The following POU6F2 variants were observed in gnomAD, a reference collection of about 807,000 sequenced individuals.
POU6F2 encodes POU domain, class 6, transcription factor 2.
A neutral mutation model predicts 71.3 loss-of-function variants in POU6F2; 31 were observed. That is an observed-to-expected ratio of 0.43 (90% confidence interval 0.33 to 0.59). The LOEUF (loss-of-function observed/expected upper bound fraction) is 0.59. Ranked by LOEUF, POU6F2 falls within the 20% of genes least tolerant of loss-of-function variation. The pLI is 0.04. For missense variants in POU6F2, 783 were observed against 856.8 expected (o/e 0.91, Z 1.07); for synonymous variants, 347 against 355.7 (o/e 0.98, Z 0.27).
chr7:39,374,801 G>A (rs1786679332), intron 5 of POU6F2, among the ~76,000 whole-genome samples: 2 of 152,286 alleles, frequency 1.3e-5, no homozygotes, highest in South Asian at 4.1e-4. Flanking sequence ...CCAAACAGCG[G>A]AATATTGAGG....
At chr7:39,445,934 C>T (rs1788512922) in intron 7 of POU6F2, among the ~76,000 whole-genome samples, 1 of 152,214 alleles carries the variant, frequency 6.6e-6, no homozygotes, top group Admixed American at 6.5e-5. Flanking sequence ...ACAGTAGCAG[C>T]ATCACCTGAA....
intron 4 of POU6F2, among the ~76,000 whole-genome samples, chr7:39,296,659 T>C (rs1429456715): frequency 1.3e-5 from 2 of 152,140 alleles, no homozygotes; most frequent in African/African-American, 4.8e-5. Context: ...CCCACCTCAT[T>C]GGCACCAACT....
intron 4 of POU6F2, among the ~76,000 whole-genome samples, chr7:39,217,508 C>T (rs1032743349): frequency 1.3e-5 from 2 of 152,110 alleles, no homozygotes; most frequent in Non-Finnish European, 1.5e-5. Context: ...AGCAGAGATC[C>T]GTTACCACTC....
rs558055625 is a variant in POU6F2 at position 38,986,452 on chromosome 7, G to A, written c.105+8394G>A. On this transcript the variant is annotated intron_variant, in intron 1 of 9. Transcript: ENST00000518318. Reference sequence around the variant, plus strand: ...ACAGGGGGGCTCTTTGGTTTGCAATGTACTGCCATTTGTACTAGTGCTGAA... The same window carrying A: ...ACAGGGGGGCTCTTTGGTTTGCAATATACTGCCATTTGTACTAGTGCTGAA... Among the ~76,000 whole-genome samples the A allele has an allele frequency of 7.4e-4, 112 of 152,214 alleles. 1 individual carries two copies. Among genetic ancestry groups the A allele is most frequent in the African/African-American group, 2.6e-3 (108 of 41,550 alleles).
chr7:39,045,709 C>T (rs1790279253), intron 1 of POU6F2, among the ~76,000 whole-genome samples: 1 of 151,914 alleles, frequency 6.6e-6, no homozygotes, highest in Non-Finnish European at 1.5e-5. Context: ...TTATTCCCCT[C>T]TACAGCCAGT....
At chr7:39,397,241 G>A (rs1267708024) in intron 5 of POU6F2, among the ~76,000 whole-genome samples, 2 of 151,812 alleles carry the variant, frequency 1.3e-5, no homozygotes, top group Non-Finnish European at 2.9e-5. Flanking sequence ...CGTTACACAG[G>A]AGCTCTCAGG....
intron 4 of POU6F2, among the ~76,000 whole-genome samples, chr7:39,226,918 C>T (rs1336735040): frequency 6.6e-6 from 1 of 152,186 alleles, no homozygotes; most frequent in Non-Finnish European, 1.5e-5. Context: ...TGCTATTCTT[C>T]TTCCCTTTAC....
At chr7:39,260,897 A>C (rs1457213579) in intron 4 of POU6F2, among the ~76,000 whole-genome samples, 1 of 151,560 alleles carries the variant, frequency 6.6e-6, no homozygotes, top group Non-Finnish European at 1.5e-5. Context: ...CATACACGCC[A>C]CCTACACATA....
At chr7:39,106,569 A>G (rs1791692211) in intron 2 of POU6F2, among the ~76,000 whole-genome samples, 1 of 152,218 alleles carries the variant, frequency 6.6e-6, no homozygotes. Flanking sequence ...TATTTTGCTC[A>G]TATGGGCATG....
At chr7:39,179,439 G>T (rs760592511) in intron 2 of POU6F2, among the ~76,000 whole-genome samples, 26 of 152,220 alleles carry the variant, frequency 1.7e-4, no homozygotes, top group Admixed American at 3.9e-4. Flanking sequence ...GTTAGAATAC[G>T]TCAAGCATTT....
chr7:39,220,386 T>G (rs1420408155), intron 4 of POU6F2, among the ~76,000 whole-genome samples: 1 of 152,206 alleles, frequency 6.6e-6, no homozygotes, highest in Non-Finnish European at 1.5e-5. Flanking sequence ...ACATTTTGTC[T>G]CATTGTGAAG....
intron 7 of POU6F2, among the ~76,000 whole-genome samples, chr7:39,436,517 T>C (rs1194680935): frequency 1.3e-5 from 2 of 148,206 alleles, no homozygotes; most frequent in Non-Finnish European, 3.0e-5. Context: ...TTAAGGAGTT[T>C]TGGGGCCGAG....
Position 39,433,371 on chromosome 7 carries a change from T to A in POU6F2, c.1320+88T>A, listed in dbSNP as rs1241762717. ...TTGGTCTCAATCAATGAAAAGTAAC[T>A]TTTACATTACAAAATAGTTGATCTC... is the stretch of plus-strand genomic sequence containing the variant. On this transcript the variant is annotated intron_variant, in intron 7 of 9. Coordinates refer to ENST00000518318, the MANE Select transcript of POU6F2 (RefSeq NM_001370959.1). The A allele has an allele frequency of 7.0e-6, 10 of 1,424,306 alleles. No individual in the cohort carries two copies. The African/African-American group carries it at 8.5e-5, about 12-fold the overall frequency. The allele number at this position is 1,424,306 out of a possible 1,614,324, so 88.2% of individuals were successfully genotyped here.
At chr7:39,290,726 G>A (rs909848191) in intron 4 of POU6F2, among the ~76,000 whole-genome samples, 2 of 152,120 alleles carry the variant, frequency 1.3e-5, no homozygotes, top group African/African-American at 4.8e-5. Flanking sequence ...CTCCTGAGAT[G>A]CTCTGCAGGA....
intron 4 of POU6F2, among the ~76,000 whole-genome samples, chr7:39,211,327 C>T (rs1794139353): frequency 1.3e-5 from 2 of 152,166 alleles, no homozygotes; most frequent in Non-Finnish European, 2.9e-5. Flanking sequence ...AATGCTCCCG[C>T]TCTCACTCAC....
chr7:38,986,632 G>T (rs1435726145), intron 1 of POU6F2, among the ~76,000 whole-genome samples: 3 of 152,030 alleles, frequency 2.0e-5, no homozygotes, highest in African/African-American at 7.2e-5. Flanking sequence ...TTAATTACAT[G>T]GTAGACTCCT....
intron 2 of POU6F2, among the ~76,000 whole-genome samples, chr7:39,118,964 A>G (rs114251032): frequency 5.2e-3 from 793 of 152,338 alleles, no homozygotes; most frequent in African/African-American, 0.018. Flanking sequence ...GTGTCCAGCC[A>G]ATCTATGCAG....
At chr7:39,367,118 A>G (rs867912105) in intron 5 of POU6F2, among the ~76,000 whole-genome samples, 1 of 152,234 alleles carries the variant, frequency 6.6e-6, no homozygotes, top group Non-Finnish European at 1.5e-5. Flanking sequence ...ACTATTCACC[A>G]CAAGTCATTT....
intron 2 of POU6F2, among the ~76,000 whole-genome samples, chr7:39,093,997 T>C (rs1791405401): frequency 6.6e-6 from 1 of 152,158 alleles, no homozygotes; most frequent in Admixed American, 6.6e-5. Context: ...TTTATAATAA[T>C]AAGCTTTCTT....
Sources: allele counts gnomAD v4.1 joint callset (sites outside exome capture counted in the v4.1 genomes callset), GRCh38; gene constraint gnomAD v4.1.1; transcripts MANE v1.5; gene names NCBI Gene and HGNC (gene_info 2026-07-23, HGNC 2026-07-21).